The following AK5 variants were observed in gnomAD, a reference collection of about 807,000 sequenced individuals.
The protein encoded by AK5 is adenylate kinase 5.
A neutral mutation model predicts 69.5 loss-of-function variants in AK5; 27 were observed. The ratio of observed to expected loss-of-function variants is 0.39; its 90% CI spans 0.29 to 0.54. The LOEUF is 0.54. Among genes scored for constraint, AK5 ranks in the 20% least tolerant of loss-of-function variants. The pLI, the probability that AK5 is intolerant of heterozygous loss-of-function variation, is 0.71. For synonymous variants in AK5, 260 were observed against 244.4 expected (o/e 1.06, Z -0.60); for missense variants, 531 against 700.4 (o/e 0.76, Z 2.73).
chr1:77,556,587 G>A (rs1272420218), intron 13 of AK5, among the ~76,000 whole-genome samples: 2 of 152,116 alleles, frequency 1.3e-5, no homozygotes, highest in African/African-American at 4.8e-5. Flanking sequence ...CAGTGCTTCC[G>A]TTAATATTGT....
At position 77,302,128 on chromosome 1, in the gene AK5, G is replaced by A. The variant is rs544686917; in HGVS notation, c.699+4181G>A. On this transcript the variant is annotated intron_variant, in intron 5 of 13. Coordinates refer to ENST00000354567, the MANE Select transcript of AK5 (RefSeq NM_174858.3). ...TTACCCAGGCTGGTTTCAAACTCCT[G>A]GCCTCAAGTGATCATCCTCTCTCAG... is the stretch of plus-strand genomic sequence containing the variant. 3.3e-5 allele frequency among the ~76,000 whole-genome samples: 5 copies of A among 152,046 alleles called. No individual in the cohort carries two copies. In the East Asian group the frequency reaches 9.7e-4, roughly 29 times the overall value.
At chr1:77,330,031 G>A (rs574198774) in intron 5 of AK5, among the ~76,000 whole-genome samples, 1 of 152,302 alleles carries the variant, frequency 6.6e-6, no homozygotes, top group Admixed American at 6.5e-5. Context: ...CAGCCTCTTG[G>A]AGATAAAAGA....
intron 13 of AK5, among the ~76,000 whole-genome samples, chr1:77,552,378 C>A (rs1359974789): frequency 6.6e-6 from 1 of 152,158 alleles, no homozygotes; most frequent in East Asian, 1.9e-4. Context: ...CCTCCCTTAC[C>A]GTGCTTTAAC....
intron 5 of AK5, among the ~76,000 whole-genome samples, chr1:77,321,602 TCTC>T (rs1660538186): frequency 6.6e-6 from 1 of 152,182 alleles, no homozygotes; most frequent in Non-Finnish European, 1.5e-5. Flanking sequence ...GGAAGGGAAT[TCTC>T]CTCTAATAGG....
At chr1:77,551,271 G>C (rs1258733322) in intron 13 of AK5, among the ~76,000 whole-genome samples, 1 of 151,760 alleles carries the variant, frequency 6.6e-6, no homozygotes, top group East Asian at 1.9e-4. Flanking sequence ...AACAGAAATT[G>C]CCTCACTGAC....
intron 6 of AK5, among the ~76,000 whole-genome samples, chr1:77,352,241 T>C (rs1662251116): frequency 2.6e-5 from 4 of 152,184 alleles, no homozygotes; most frequent in Admixed American, 2.0e-4. Context: ...TTGCAAGTAG[T>C]TCTATGAAAA....
chr1:77,454,418 A>T (rs917810633), intron 8 of AK5, among the ~76,000 whole-genome samples: 10 of 152,216 alleles, frequency 6.6e-5, no homozygotes, highest in African/African-American at 2.4e-4. Flanking sequence ...CAACAGCAGG[A>T]AAAGAAAAAG....
chr1:77,376,535 T>C (rs2100491469), intron 6 of AK5, among the ~76,000 whole-genome samples: 1 of 152,212 alleles, frequency 6.6e-6, no homozygotes, highest in South Asian at 2.1e-4. Flanking sequence ...GTCTTCTCTT[T>C]GATTTTTTTT....
chr1:77,293,722 A>G (rs1658816691), intron 2 of AK5, 71 bp from the exon 3 acceptor site: 7 of 1,314,178 alleles, frequency 5.3e-6, no homozygotes, highest in South Asian at 1.5e-5. Context: ...TGCTTTTACT[A>G]ACTGTTTAAG....
chr1:77,373,222 T>G (rs3911295), intron 6 of AK5, among the ~76,000 whole-genome samples: 1 of 151,920 alleles, frequency 6.6e-6, no homozygotes. Flanking sequence ...TAAAAAAAAA[T>G]ATTTTACATT....
At chr1:77,504,878 G>C (rs922864405) in intron 10 of AK5, among the ~76,000 whole-genome samples, 6 of 152,062 alleles carry the variant, frequency 3.9e-5, no homozygotes, top group African/African-American at 1.4e-4. Flanking sequence ...TTATTTTGCT[G>C]TAATAGAATT....
At chr1:77,464,735 A>G (rs1654038048) in intron 8 of AK5, among the ~76,000 whole-genome samples, 1 of 152,170 alleles carries the variant, frequency 6.6e-6, no homozygotes. Flanking sequence ...GAGCGATAAC[A>G]TGGAAACATG....
chr1:77,440,684 A>G (rs1652267521), intron 8 of AK5, among the ~76,000 whole-genome samples: 1 of 151,102 alleles, frequency 6.6e-6, no homozygotes, highest in South Asian at 2.1e-4. Flanking sequence ...TGTCTTTTTC[A>G]TTCTTTTTTT....
chr1:77,402,403 T>C (rs1649281322), intron 6 of AK5, among the ~76,000 whole-genome samples: 1 of 151,754 alleles, frequency 6.6e-6, no homozygotes, highest in South Asian at 2.1e-4. Context: ...CATTAACTCA[T>C]CATTTAGCAT....
chr1:77,425,894 G>T (rs1302706735), intron 8 of AK5, among the ~76,000 whole-genome samples: 1 of 152,166 alleles, frequency 6.6e-6, no homozygotes, highest in African/African-American at 2.4e-5. Flanking sequence ...GCAGTAGAGT[G>T]TTATTTGAAA....
chr1:77,524,543 G>T (rs1658169934), intron 12 of AK5, among the ~76,000 whole-genome samples: 1 of 152,266 alleles, frequency 6.6e-6, no homozygotes, highest in Non-Finnish European at 1.5e-5. Context: ...GTTCTCTAAT[G>T]ATTAGTGACA....
intron 6 of AK5, among the ~76,000 whole-genome samples, chr1:77,367,579 A>ATATATGATAT (rs71075732): frequency 1.9e-5 from 1 of 53,364 alleles, no homozygotes; most frequent in African/African-American, 1.1e-4. Flanking sequence ...ATATATATAT[A>ATATATGATAT]ATATATATGT....
chr1:77,446,585 C>G (rs1227284856), intron 8 of AK5, among the ~76,000 whole-genome samples: 8 of 151,822 alleles, frequency 5.3e-5, no homozygotes, highest in Non-Finnish European at 7.4e-5. Context: ...TTTTAATTTC[C>G]TTCATCAATA....
chr1:77,456,596 T>C (rs780848314), intron 8 of AK5, among the ~76,000 whole-genome samples: 8 of 152,196 alleles, frequency 5.3e-5, no homozygotes, highest in Non-Finnish European at 1.0e-4. Flanking sequence ...AGAACGAGGA[T>C]GGGCCTCAGT....
Sources: allele counts gnomAD v4.1 joint callset (sites outside exome capture counted in the v4.1 genomes callset), GRCh38; gene constraint gnomAD v4.1.1; transcripts MANE v1.5; gene names NCBI Gene and HGNC (gene_info 2026-07-23, HGNC 2026-07-21).